NBAS: variants seen among roughly 807,000 people sequenced by gnomAD.
NBAS encodes the protein NBAS subunit of NRZ tethering complex, also known as NAG/BC035112 fusion.
NBAS carries 219 observed loss-of-function variants against 302.5 expected under a neutral mutation model. The observed-to-expected ratio is 0.72, with a 90% confidence interval of 0.65 to 0.81. The LOEUF is 0.81. NBAS is among the 30% of genes least tolerant of loss of function. The pLI, the probability that NBAS is intolerant of heterozygous loss-of-function variation, is 0.00. For missense variants in NBAS, 2,932 were observed against 2,841.6 expected (o/e 1.03, Z -0.72); for synonymous variants, 1,118 against 1,021.6 (o/e 1.09, Z -1.80).
At chr2:15,255,552 T>C (rs1668553791) in intron 44 of NBAS, among the ~76,000 whole-genome samples, 1 of 151,890 alleles carries the variant, frequency 6.6e-6, no homozygotes, top group East Asian at 1.9e-4. Context: ...GTAGATGCTT[T>C]TTAGTTTAAT....
At chr2:15,054,193 G>T in the NBAS span, among the ~76,000 whole-genome samples, 135 of 152,314 alleles carry the variant, frequency 8.9e-4, no homozygotes, top group African/African-American at 3.0e-3. Context: ...CATCATTTCA[G>T]CAACTTGAGA....
At chr2:15,153,955 C>T in the NBAS span, among the ~76,000 whole-genome samples, 14 of 152,166 alleles carry the variant, frequency 9.2e-5, 1 homozygote, top group Admixed American at 5.9e-4. Flanking sequence ...ATAAAGGGCT[C>T]TTGAGGCTAG....
chr2:15,474,549 T>C lies in NBAS; in HGVS notation c.1342-225A>G, dbSNP rs76706793. On this transcript the variant is annotated intron_variant, in intron 14 of 51. Transcript: ENST00000281513. ...TCAAATCTAAACTAAAGCCTGTTTT[T>C]TTCTTCTTCTTCTTCTTCTTCTTCT... Among the ~76,000 whole-genome samples, 19 of 147,846 alleles carry C rather than the reference T, an allele frequency of 1.3e-4. No homozygotes were observed. The East Asian group carries it at 2.8e-3, about 21-fold the overall frequency.
At chr2:14,798,961 A>T in the NBAS span, among the ~76,000 whole-genome samples, 2 of 152,014 alleles carry the variant, frequency 1.3e-5, no homozygotes, top group Admixed American at 6.5e-5. Flanking sequence ...TTTCTGACCA[A>T]TCTGGCGAGA....
chr2:14,781,154 C>A, the NBAS span, among the ~76,000 whole-genome samples: 1 of 152,184 alleles, frequency 6.6e-6, no homozygotes, highest in African/African-American at 2.4e-5. Context: ...ATGTTGCTAA[C>A]AGTTAGAAGA....
chr2:14,915,772 G>A, the NBAS span, among the ~76,000 whole-genome samples: 84 of 152,122 alleles, frequency 5.5e-4, 1 homozygote, highest in African/African-American at 1.9e-3. Context: ...ATATTGGCCA[G>A]GCTGGTCTCA....
At chr2:15,165,270 G>A (rs1253196115), downstream of NBAS, among the ~76,000 whole-genome samples, 1 of 152,202 alleles carries the variant, frequency 6.6e-6, no homozygotes, top group Non-Finnish European at 1.5e-5. Context: ...GGACATAGGC[G>A]GTGCCATCAG....
rs1668148046 is a variant in NBAS, at chr2:15,247,539, A to C, written c.5725-8853T>G. On this transcript the variant is annotated intron_variant, in intron 44 of 51. Transcript: ENST00000281513. ...GAGGAATATTTAGCAAGCAAATGGA[A>C]ACGAAAAAAAGCAGGGGTTGCAATC... 1.3e-5 allele frequency among the ~76,000 whole-genome samples: 2 copies of C among 152,126 alleles called. 1 individual carries two copies. The highest frequency in any genetic ancestry group is 4.1e-4 in the South Asian group (2 of 4,822).
In NBAS at chr2:15,388,523, C is replaced by T. The variant is rs555866001; in HGVS notation, c.3258-5206G>A. Among the ~76,000 whole-genome samples the T allele has an allele frequency of 3.3e-5, 5 of 151,730 alleles. No homozygotes were observed. In the South Asian group the frequency reaches 1.0e-3, roughly 32 times the overall value. On this transcript the variant is annotated intron_variant, in intron 28 of 51. Transcript: ENST00000281513. ...ATAGAGGAGTGACATAACTCTTACA[C>T]ATTGCTGACAGAAATATACACAGTA...
At chr2:15,194,560 C>T (rs536059773) in intron 48 of NBAS, among the ~76,000 whole-genome samples, 2 of 152,194 alleles carry the variant, frequency 1.3e-5, no homozygotes, top group East Asian at 3.9e-4. Context: ...AAACAAAGTT[C>T]TTCTTTCTTA....
chr2:14,795,375 T>A, the NBAS span, among the ~76,000 whole-genome samples: 1 of 152,106 alleles, frequency 6.6e-6, no homozygotes, highest in African/African-American at 2.4e-5. Context: ...GCATGCTTAT[T>A]TGCTACCTAT....
At chr2:15,551,920 G>A (rs530548312) in intron 5 of NBAS, among the ~76,000 whole-genome samples, 36 of 152,228 alleles carry the variant, frequency 2.4e-4, no homozygotes, top group African/African-American at 8.4e-4. Context: ...AAGAACCACT[G>A]GTCTGTATCA....
chr2:15,142,456 T>C, the NBAS span, among the ~76,000 whole-genome samples: 1 of 152,198 alleles, frequency 6.6e-6, no homozygotes, highest in Non-Finnish European at 1.5e-5. Flanking sequence ...GCTTAGCTGC[T>C]ACTGCCACAA....
At chr2:15,240,754 G>A (rs1036656747) in intron 44 of NBAS, among the ~76,000 whole-genome samples, 3 of 152,076 alleles carry the variant, frequency 2.0e-5, no homozygotes, top group Non-Finnish European at 4.4e-5. Context: ...AACAAGTTCC[G>A]TAGTCCCCAC....
chr2:15,510,653 A>T (rs775222642), intron 10 of NBAS, among the ~76,000 whole-genome samples: 15 of 152,250 alleles, frequency 9.9e-5, no homozygotes, highest in Non-Finnish European at 1.3e-4. Context: ...ACTGCCTGAC[A>T]CAAAATAGAA....
intron 31 of NBAS, among the ~76,000 whole-genome samples, chr2:15,367,483 G>A (rs966555690): frequency 6.6e-6 from 1 of 152,176 alleles, no homozygotes; most frequent in Non-Finnish European, 1.5e-5. Flanking sequence ...GGTGCTTTAT[G>A]TATATTAACC....
chr2:15,324,077 A>T (rs1302698230), intron 38 of NBAS, among the ~76,000 whole-genome samples: 1 of 152,168 alleles, frequency 6.6e-6, no homozygotes, highest in Non-Finnish European at 1.5e-5. Context: ...AGCGAGGACA[A>T]TCATGCAGGT....
chr2:15,186,719 A>G, intron 50 of NBAS, 23 bp downstream of exon 50: 1 of 1,613,718 alleles, frequency 6.2e-7, no homozygotes, highest in Non-Finnish European at 8.5e-7. Context: ...CTCCTTAGGA[A>G]AGCACTCAAA....
rs141209523 is a variant in NBAS at position 15,503,165 on chromosome 2, C to T, written c.954+980G>A. On this transcript the variant is annotated intron_variant, in intron 11 of 51. Coordinates refer to ENST00000281513, the MANE Select transcript of NBAS (RefSeq NM_015909.4). The stretch of plus-strand genomic sequence containing the variant: ...ATGGTAACACTCATGGAGTTGTAAT[C>T]TCCCATGTTAAGAATGCCTTTCCGT... 1.4e-4 allele frequency among the ~76,000 whole-genome samples: 21 copies of T among 152,262 alleles called. No homozygotes were observed. The East Asian group carries it at 2.7e-3, about 20-fold the overall frequency.
Sources: allele counts gnomAD v4.1 joint callset (sites outside exome capture counted in the v4.1 genomes callset), GRCh38; gene constraint gnomAD v4.1.1; transcripts MANE v1.5; gene names NCBI Gene and HGNC (gene_info 2026-07-23, HGNC 2026-07-21).